Variants in FKBP6 observed in about 807,000 individuals in gnomAD.
FKBP6 encodes the protein inactive peptidyl-prolyl cis-trans isomerase FKBP6.
In FKBP6, 29 loss-of-function variants were observed where a neutral mutation model predicts 41.7. The ratio of observed to expected loss-of-function variants is 0.70; its 90% CI spans 0.52 to 0.95. The LOEUF (loss-of-function observed/expected upper bound fraction) is 0.95. FKBP6 is among the 40% of genes least tolerant of loss of function. FKBP6 has a pLI of 0.00. For synonymous variants in FKBP6, 130 were observed against 165.1 expected, an observed-to-expected ratio of 0.79 and a Z score of 1.63; for missense variants, 338 against 408.7, an observed-to-expected ratio of 0.83 and a Z score of 1.49.
Position 73,341,293 on chromosome 7 carries a change from G to A in FKBP6, c.804G>A (p.Glu268=), listed in dbSNP as rs782011555. ...GACAGGCTTGTCTTCTCCTGACTGA[G>A]TATCAAAAGGCCCGGGATTTTCTAG... The part of the protein sequence containing the change: ...RCGQACLLLT[E]YQKARDFLVR... The change falls in exon 7 of 9, where the codon GAG becomes GAA. Residue 268 remains glutamate, a synonymous_variant. Coordinates refer to ENST00000252037, the MANE Select transcript of FKBP6 (RefSeq NM_003602.5). 9.9e-6 allele frequency: 16 copies of A among 1,612,088 alleles called. No homozygotes were observed. The highest frequency in any genetic ancestry group is 2.2e-5 in the East Asian group (1 of 44,866).
At position 73,341,388 on chromosome 7, in the gene FKBP6, C is replaced by T. The variant is rs1372778715; in HGVS notation, c.893+6C>T. Reference sequence around the variant, plus strand: ...GAGCTGAAGAAACTGGCTAGGTGAGCTGTGTTTGCAGGAGCATGAAGAGAG... The same window carrying T: ...GAGCTGAAGAAACTGGCTAGGTGAGTTGTGTTTGCAGGAGCATGAAGAGAG... On this transcript the variant is annotated splice_donor_region_variant and intron_variant, in intron 7 of 8. Transcript: ENST00000252037. 3.9e-6 allele frequency: 6 copies of T among 1,548,148 alleles called. No homozygotes were observed. Among genetic ancestry groups the T allele is most frequent in the Non-Finnish European group, 5.4e-6 (6 of 1,119,986 alleles).
intron 5 of FKBP6, among the ~76,000 whole-genome samples, chr7:73,335,581 G>A (rs886185011): frequency 6.6e-6 from 1 of 152,178 alleles, no homozygotes; most frequent in Admixed American, 6.5e-5. Context: ...AGGAGACCTC[G>A]TGATTGCTGA....
chr7:73,336,872 G>T (rs1805021272), intron 5 of FKBP6: 1 of 453,088 alleles, frequency 2.2e-6, no homozygotes, highest in African/African-American at 2.0e-5. Flanking sequence ...TCCACAAAAT[G>T]GATGGTTAGA....
At chr7:73,343,058 C>T (rs781972095) in intron 8 of FKBP6, among the ~76,000 whole-genome samples, 159 bp downstream of exon 8, 2 of 152,246 alleles carry the variant, frequency 1.3e-5, no homozygotes, top group Admixed American at 6.5e-5. Flanking sequence ...GCAGGATGCA[C>T]GTGCTGCACG....
At chr7:73,352,874 G>A (rs978490987) in intron 8 of FKBP6, among the ~76,000 whole-genome samples, 1 of 152,096 alleles carries the variant, frequency 6.6e-6, no homozygotes, top group Non-Finnish European at 1.5e-5. Context: ...AGACAGAGGG[G>A]CATCTCCAGG....
chr7:73,350,279 C>G (rs1301706347), intron 8 of FKBP6, among the ~76,000 whole-genome samples: 1 of 152,174 alleles, frequency 6.6e-6, no homozygotes, highest in Non-Finnish European at 1.5e-5. Context: ...ACCCACTTAA[C>G]TTTCCTGACA....
intron 7 of FKBP6, among the ~76,000 whole-genome samples, chr7:73,341,973 CACTT>C (rs1805204377): frequency 6.6e-6 from 1 of 151,944 alleles, no homozygotes; most frequent in African/African-American, 2.4e-5. Flanking sequence ...GCCCCGGTGT[CACTT>C]AAAAAGAGTC....
intron 8 of FKBP6, among the ~76,000 whole-genome samples, chr7:73,357,583 T>C (rs760656004): frequency 5.3e-5 from 8 of 152,160 alleles, no homozygotes; most frequent in Non-Finnish European, 1.2e-4. Flanking sequence ...TACTTACTTC[T>C]GTCCCGTTGC....
intron 8 of FKBP6, among the ~76,000 whole-genome samples, chr7:73,349,729 A>AG (rs1554550854): frequency 6.6e-6 from 1 of 150,772 alleles, no homozygotes; most frequent in South Asian, 2.1e-4. Flanking sequence ...AAAAAAAAAA[A>AG]AAAAAAAAGA....
chr7:73,336,205 C>G (rs1554548539), intron 5 of FKBP6, among the ~76,000 whole-genome samples: 1 of 152,108 alleles, frequency 6.6e-6, no homozygotes, highest in African/African-American at 2.4e-5. Context: ...AGATGAAACC[C>G]TCTTACATGG....
At chr7:73,346,482 CA>C (rs1238662647) in intron 8 of FKBP6, among the ~76,000 whole-genome samples, 40 of 152,214 alleles carry the variant, frequency 2.6e-4, no homozygotes, top group African/African-American at 8.4e-4. Flanking sequence ...AGGCCTGGGG[CA>C]TGGGCCCAAG....
chr7:73,355,499 C>G (rs1196262139), intron 8 of FKBP6, among the ~76,000 whole-genome samples: 1 of 152,146 alleles, frequency 6.6e-6, no homozygotes, highest in African/African-American at 2.4e-5. Context: ...GATCTCCCCC[C>G]ATCTGCATTC....
At chr7:73,352,265 T>C (rs1385576159) in intron 8 of FKBP6, among the ~76,000 whole-genome samples, 1 of 152,202 alleles carries the variant, frequency 6.6e-6, no homozygotes, top group Non-Finnish European at 1.5e-5. Context: ...CGCCCAGCCA[T>C]GGAGCAGTCA....
At chr7:73,333,655 A>G (rs1260938057) in intron 5 of FKBP6, among the ~76,000 whole-genome samples, 1 of 152,228 alleles carries the variant, frequency 6.6e-6, no homozygotes, top group African/African-American at 2.4e-5. Context: ...GGGCTGCCCT[A>G]TAATGCTAGT....
chr7:73,337,207 G>C (rs1366113831), intron 5 of FKBP6, among the ~76,000 whole-genome samples: 1 of 151,926 alleles, frequency 6.6e-6, no homozygotes, highest in African/African-American at 2.4e-5. Context: ...CTTGCCTGGT[G>C]AATGCCCAGA....
At chr7:73,335,059 C>A (rs1804960255) in intron 5 of FKBP6, among the ~76,000 whole-genome samples, 1 of 151,518 alleles carries the variant, frequency 6.6e-6, no homozygotes, top group Admixed American at 6.6e-5. Context: ...TTTTCCAGAA[C>A]CTGTTCTCCA....
At chr7:73,344,078 G>A (rs1805271840) in intron 8 of FKBP6, among the ~76,000 whole-genome samples, 1 of 152,190 alleles carries the variant, frequency 6.6e-6, no homozygotes, top group Non-Finnish European at 1.5e-5. Flanking sequence ...GTGGCCTTTG[G>A]AGTACATATT....
chr7:73,332,575 C>G (rs782164639), intron 5 of FKBP6, among the ~76,000 whole-genome samples: 10 of 151,398 alleles, frequency 6.6e-5, no homozygotes, highest in Non-Finnish European at 1.5e-4. Flanking sequence ...AGAGGGGACT[C>G]TCGAGGGGAT....
intron 7 of FKBP6, among the ~76,000 whole-genome samples, chr7:73,341,843 T>A (rs2115903695): frequency 6.6e-6 from 1 of 151,888 alleles, no homozygotes; most frequent in Non-Finnish European, 1.5e-5. Context: ...GTTTTTGTAT[T>A]TTAGTTGAGA....
Sources: gnomAD v4.1 joint callset for allele counts (sites outside exome capture counted in the v4.1 genomes callset) on GRCh38, gnomAD v4.1.1 for gene constraint, MANE v1.5 for transcripts, NCBI Gene and HGNC (gene_info 2026-07-23, HGNC 2026-07-21) for gene names.